FRMD4B: variants seen among roughly 807,000 people sequenced by gnomAD.
FRMD4B encodes FERM domain containing 4B.
FRMD4B carries 74 observed loss-of-function variants against 141.5 expected under a neutral mutation model. The ratio of observed to expected loss-of-function variants is 0.52; its 90% CI spans 0.43 to 0.63. The LOEUF (loss-of-function observed/expected upper bound fraction) is 0.63, where lower values mean the gene tolerates loss of function less well. Among genes scored for constraint, FRMD4B ranks in the 30% least tolerant of loss-of-function variants. The probability of loss-of-function intolerance (pLI) is 0.00; values close to 1 mark genes in which losing one functional copy is unlikely to be tolerated. For missense variants in FRMD4B, 1,366 were observed against 1,253.4 expected, an observed-to-expected ratio of 1.09 and a Z score of -1.36; for synonymous variants, 506 against 467.9, an observed-to-expected ratio of 1.08 and a Z score of -1.05.
chr3:69,470,896 G>C (rs550506677), intron 1 of FRMD4B, among the ~76,000 whole-genome samples: 30 of 152,286 alleles, frequency 2.0e-4, no homozygotes, highest in Admixed American at 4.6e-4. Flanking sequence ...ATAAGTAGTA[G>C]TAAAACCATC....
Position 69,216,315 on chromosome 3 carries a change from CT to C in FRMD4B, c.823del (p.Ser275AlafsTer14). On this transcript the variant is annotated frameshift_variant, in exon 11 of 23. Transcript: ENST00000398540. LOFTEE classifies it high-confidence loss of function. ...ATCATATTGGCCAATTCCCTTATAG[CT>C]TATTCCAAGCCACCAAGGAAGTCCT... ...KQGLPWWLGISYKGIGQYDIQ... is the reference protein window; with the variant it reads ...KQGLPWWLGIXYKGIGQYDIQ... 6.3e-7 allele frequency: 1 copy of C among 1,578,388 alleles called. No individual in the cohort carries two copies. Among genetic ancestry groups the C allele is most frequent in the South Asian group, 1.2e-5 (1 of 86,610 alleles).
chr3:69,254,969 G>C (rs1202188271), intron 5 of FRMD4B, among the ~76,000 whole-genome samples: 1 of 152,054 alleles, frequency 6.6e-6, no homozygotes, highest in Non-Finnish European at 1.5e-5. Context: ...ATGCCAATAT[G>C]ATGAATATGA....
At chr3:69,507,587 T>C (rs1457958829) in intron 1 of FRMD4B, among the ~76,000 whole-genome samples, 1 of 152,256 alleles carries the variant, frequency 6.6e-6, no homozygotes, top group Non-Finnish European at 1.5e-5. Flanking sequence ...ATATTTAGAA[T>C]ATTTCTAATC....
intron 2 of FRMD4B, among the ~76,000 whole-genome samples, chr3:69,425,084 A>G (rs2106819073): frequency 6.6e-6 from 1 of 152,338 alleles, no homozygotes; most frequent in South Asian, 2.1e-4. Context: ...GTGTTTTAAA[A>G]GGCTTTCATC....
chr3:69,307,236 G>C (rs763210927), intron 3 of FRMD4B, among the ~76,000 whole-genome samples: 3 of 152,130 alleles, frequency 2.0e-5, no homozygotes, highest in Non-Finnish European at 4.4e-5. Context: ...AGGTAACTGG[G>C]AAAAAGGCTG....
At chr3:69,266,985 G>A (rs2093565164) in intron 5 of FRMD4B, among the ~76,000 whole-genome samples, 3 of 152,170 alleles carry the variant, frequency 2.0e-5, no homozygotes, top group South Asian at 2.1e-4. Flanking sequence ...TAGAGTGTTC[G>A]TGCCATGAGA....
At chr3:69,222,823 A>G (rs868282493) in intron 8 of FRMD4B, among the ~76,000 whole-genome samples, 7 of 152,192 alleles carry the variant, frequency 4.6e-5, no homozygotes, top group African/African-American at 1.4e-4. Context: ...AATTTCTCCA[A>G]TGGGAAATGA....
At chr3:69,329,520 T>TC (rs1177110140) in intron 1 of FRMD4B, among the ~76,000 whole-genome samples, 1 of 96,574 alleles carries the variant, frequency 1.0e-5, no homozygotes, top group Non-Finnish European at 1.8e-5. Context: ...CAGCTAATTT[T>TC]TTTTTTTTTT....
At chr3:69,265,923 A>G (rs2093559328) in intron 5 of FRMD4B, among the ~76,000 whole-genome samples, 1 of 151,972 alleles carries the variant, frequency 6.6e-6, no homozygotes, top group African/African-American at 2.4e-5. Context: ...GAGGCCAGGC[A>G]TTGTGGTTCA....
chr3:69,419,526 A>ACTGGCTCC (rs1188108723), intron 2 of FRMD4B, among the ~76,000 whole-genome samples: 1 of 152,026 alleles, frequency 6.6e-6, no homozygotes, highest in South Asian at 2.1e-4. Context: ...TCACTGGCTC[A>ACTGGCTCC]CTGGCTAGAC....
At chr3:69,471,729 G>T in intron 1 of FRMD4B, 1 of 158,982 alleles carries the variant, frequency 6.3e-6, no homozygotes, top group South Asian at 1.8e-4. Flanking sequence ...GAACGGGCTT[G>T]AGTACTTTTT....
At chr3:69,456,122 C>T (rs997677126) in intron 1 of FRMD4B, among the ~76,000 whole-genome samples, 11 of 152,082 alleles carry the variant, frequency 7.2e-5, no homozygotes, top group South Asian at 2.1e-4. Flanking sequence ...GATTGAATCA[C>T]AGGATGCCCC....
In FRMD4B at chr3:69,193,775, A is replaced by G. The variant is rs1340169262; in HGVS notation, c.1587T>C (p.Thr529=). 6.2e-7 allele frequency: 1 copy of G among 1,613,472 alleles called. No individual in the cohort carries two copies. The highest frequency in any genetic ancestry group is 8.5e-7 in the Non-Finnish European group (1 of 1,179,584). Residue 529 remains threonine, a synonymous_variant, in exon 17 of 23, where the codon ACT becomes ACC. Transcript: ENST00000398540. ...AATCTTGCTTTCGCTTTTTCTTCAC[A>G]GTTTTACAAAGGTCTGGCTCATTGG... The part of the protein sequence containing the change: ...KLANEPDLCK[T]VKKKRKQDYT...
At chr3:69,445,075 G>A (rs1302310997) in intron 1 of FRMD4B, among the ~76,000 whole-genome samples, 1 of 152,090 alleles carries the variant, frequency 6.6e-6, no homozygotes, top group Non-Finnish European at 1.5e-5. Context: ...ACTCCTCCGA[G>A]CACTCCCGCT....
At chr3:69,222,900 CATT>C (rs1343034506) in intron 8 of FRMD4B, among the ~76,000 whole-genome samples, 2 of 152,174 alleles carry the variant, frequency 1.3e-5, no homozygotes, top group Non-Finnish European at 2.9e-5. Flanking sequence ...AGCTGTAGAA[CATT>C]ATTGAAGAAA....
In FRMD4B at chr3:69,540,692, C is replaced by CACACACATAT. The variant is rs59055951; in HGVS notation, c.-129+1513_-129+1514insATATGTGTGT. 4.7e-4 allele frequency among the ~76,000 whole-genome samples: 60 copies of CACACACATAT among 128,912 alleles called. 1 individual carries two copies. Among genetic ancestry groups the CACACACATAT allele is most frequent in the African/African-American group, 1.8e-3 (57 of 31,640 alleles). 84.6% of individuals were successfully genotyped at this position (128,912 alleles called of 152,430 possible). A position where few individuals can be genotyped will look rare whatever the true frequency, so the allele number is the denominator to read the frequency against. ...ACACACACACACACACACACACACA[C>CACACACATAT]GGCAGTTATTGTTATTGTTATTATT... On this transcript the variant is annotated intron_variant, in intron 1 of 5. Transcript: ENST00000459638.
intron 18 of FRMD4B, among the ~76,000 whole-genome samples, chr3:69,188,850 G>A (rs1471458923): frequency 6.6e-6 from 1 of 151,372 alleles, no homozygotes; most frequent in East Asian, 2.0e-4. Context: ...CACAGAGATC[G>A]CCAACTCAAT....
At chr3:69,329,795 G>T (rs939730988) in intron 1 of FRMD4B, among the ~76,000 whole-genome samples, 1 of 151,854 alleles carries the variant, frequency 6.6e-6, no homozygotes, top group African/African-American at 2.4e-5. Flanking sequence ...GCCTCCCAAA[G>T]TGCCGGGATT....
chr3:69,459,670 C>A (rs9845772), intron 1 of FRMD4B, among the ~76,000 whole-genome samples: 3 of 152,038 alleles, frequency 2.0e-5, no homozygotes, highest in South Asian at 2.1e-4. Context: ...GAACCAATCC[C>A]TGCCTCGGTT....
Sources: gnomAD v4.1 joint callset for allele counts (sites outside exome capture counted in the v4.1 genomes callset) on GRCh38, gnomAD v4.1.1 for gene constraint, MANE v1.5 for transcripts, NCBI Gene and HGNC (gene_info 2026-07-23, HGNC 2026-07-21) for gene names.